Variants in H4C15 observed in about 807,000 individuals in gnomAD.
The protein encoded by H4C15 is histone H4.
downstream of H4C15, chr1:149,850,293 T>C (rs1440530853): frequency 3.6e-6 from 5 of 1,396,834 alleles, no homozygotes; most frequent in African/African-American, 2.8e-5. Context: ...TTAACTGAGG[T>C]GGTTAAATGG....
chr1:149,849,975 T>C (rs1454433588), downstream of H4C15, among the ~76,000 whole-genome samples: 11 of 152,258 alleles, frequency 7.2e-5, no homozygotes, highest in Non-Finnish European at 1.3e-4. Flanking sequence ...TTTGTTCATA[T>C]ACACAATTTG....
chr1:149,849,107 C>T (rs975008711), downstream of H4C15: 3 of 152,176 alleles, frequency 2.0e-5, no homozygotes, highest in African/African-American at 7.2e-5. Context: ...TTGCTCAAGC[C>T]AAAAATCTAG....
At chr1:149,844,585 C>G in the H4C15 span, 2 of 151,996 alleles carry the variant, frequency 1.3e-5, no homozygotes, top group Non-Finnish European at 2.9e-5. Flanking sequence ...GATAAAAGTA[C>G]CAAGATAAAG....
the H4C15 span, chr1:149,847,381 G>A: frequency 6.6e-6 from 1 of 152,364 alleles, no homozygotes; most frequent in East Asian, 1.9e-4. Flanking sequence ...CCCCCCGAAA[G>A]ATATGTTGAA....
downstream of H4C15, among the ~76,000 whole-genome samples, chr1:149,850,024 C>T (rs1463934992): frequency 6.6e-6 from 1 of 152,356 alleles, no homozygotes; most frequent in Non-Finnish European, 1.5e-5. Flanking sequence ...CTGCGTTTCT[C>T]AACAGGAAAC....
chr1:149,849,766 CG>C (rs1370296814), downstream of H4C15, among the ~76,000 whole-genome samples: 1 of 152,156 alleles, frequency 6.6e-6, no homozygotes, highest in Non-Finnish European at 1.5e-5. Context: ...TTATCAAAAT[CG>C]AACTTCCATC....
chr1:149,850,496 C>T (rs1553757667), downstream of H4C15: 1 of 837,928 alleles, frequency 1.2e-6, no homozygotes, highest in Admixed American at 2.1e-5. Flanking sequence ...TCTGGATCTC[C>T]GGGACGTGAT....
At chr1:149,850,476 C>CT, downstream of H4C15, 1 of 900,118 alleles carries the variant, frequency 1.1e-6, no homozygotes, top group Non-Finnish European at 1.7e-6. Context: ...CAGCAGCAGG[C>CT]GCACGGCCGT....
chr1:149,844,827 C>T, the H4C15 span: 2 of 150,740 alleles, frequency 1.3e-5, no homozygotes, highest in South Asian at 4.2e-4. Context: ...AAAAGCTTTT[C>T]AAAGCTTCAT....
chr1:149,855,558 A>C (rs2092183347), downstream of H4C15, among the ~76,000 whole-genome samples: 1 of 90,464 alleles, frequency 1.1e-5, no homozygotes, highest in Non-Finnish European at 2.3e-5. Context: ...CAGTCTTCTC[A>C]TGTCTTTCTC....
At chr1:149,845,475 T>C in the H4C15 span, 1 of 152,320 alleles carries the variant, frequency 6.6e-6, no homozygotes, top group South Asian at 2.1e-4. Context: ...GAGAGCTGAA[T>C]ACAGTAAGAT....
At chr1:149,855,767 T>TGAGA (rs1161549801), downstream of H4C15, among the ~76,000 whole-genome samples, 10 of 20,460 alleles carry the variant, frequency 4.9e-4, 2 homozygotes, top group Non-Finnish European at 7.1e-4. Context: ...TGTGTGTGTG[T>TGAGA]GAGAGAGAGA....
downstream of H4C15, among the ~76,000 whole-genome samples, chr1:149,855,475 TCTTC>T (rs1198996698): frequency 7.5e-6 from 1 of 133,652 alleles, no homozygotes; most frequent in Non-Finnish European, 1.7e-5. Context: ...CACTGATTTT[TCTTC>T]CTTAGAAGAG....
the H4C15 span, chr1:149,845,001 A>C: frequency 6.6e-6 from 1 of 152,272 alleles, no homozygotes; most frequent in Non-Finnish European, 1.5e-5. Context: ...TCCTTTTAAC[A>C]GCCACCTGCA....
the H4C15 span, chr1:149,845,040 G>C: frequency 2.0e-5 from 3 of 152,208 alleles, no homozygotes; most frequent in Non-Finnish European, 2.9e-5. Context: ...CTAATTATAT[G>C]TGGGGGAAGG....
At chr1:149,844,635 C>T in the H4C15 span, 6 of 152,158 alleles carry the variant, frequency 3.9e-5, no homozygotes, top group South Asian at 1.0e-3. Flanking sequence ...AAGCATACTG[C>T]GGCGTCCTGG....
chr1:149,845,819 G>A, the H4C15 span: 5 of 152,302 alleles, frequency 3.3e-5, no homozygotes, highest in East Asian at 9.6e-4. Flanking sequence ...TTTAGTATAG[G>A]CTGACTGAAA....
downstream of H4C15, among the ~76,000 whole-genome samples, chr1:149,855,795 GGAGATA>G (rs2092187083): frequency 5.4e-5 from 1 of 18,476 alleles, no homozygotes; most frequent in Non-Finnish European, 1.0e-4. Context: ...AGAGAGAGAG[GGAGATA>G]GAGAGAGAAA....
At chr1:149,848,884 T>C in the H4C15 span, 1 of 152,374 alleles carries the variant, frequency 6.6e-6, no homozygotes, top group Non-Finnish European at 1.5e-5. Flanking sequence ...ATCATTCTCA[T>C]TGCTGTGTTC....
Sources: gnomAD v4.1 joint callset for allele counts (sites outside exome capture counted in the v4.1 genomes callset) on GRCh38, gnomAD v4.1.1 for gene constraint, MANE v1.5 for transcripts, NCBI Gene and HGNC (gene_info 2026-07-23, HGNC 2026-07-21) for gene names.